Variants in KCNK10 observed in about 807,000 individuals in gnomAD.
The protein encoded by KCNK10 is potassium two pore domain channel subfamily K member 10, also known as potassium channel subfamily K member 10.
In KCNK10, 25 loss-of-function variants were observed where a neutral mutation model predicts 47.7. The ratio of observed to expected loss-of-function variants is 0.52; its 90% CI spans 0.38 to 0.73. The LOEUF (loss-of-function observed/expected upper bound fraction) is 0.73. KCNK10 is among the 30% of genes least tolerant of loss of function. The pLI is 0.00. For synonymous variants in KCNK10, 303 were observed against 285.6 expected (o/e 1.06, Z -0.61); for missense variants, 563 against 714.5 (o/e 0.79, Z 2.42).
At chr14:88,279,147 CA>C (rs1341942119) in intron 1 of KCNK10, among the ~76,000 whole-genome samples, 2 of 152,132 alleles carry the variant, frequency 1.3e-5, no homozygotes, top group African/African-American at 4.8e-5. Context: ...TAATTTTCCC[CA>C]AATGCAATTT....
intron 3 of KCNK10, among the ~76,000 whole-genome samples, chr14:88,230,706 C>A (rs542244914): frequency 1.3e-5 from 2 of 152,134 alleles, no homozygotes; most frequent in African/African-American, 4.8e-5. Flanking sequence ...TCTAAGGGAC[C>A]CCACTTCAAT....
intron 4 of KCNK10, among the ~76,000 whole-genome samples, chr14:88,219,325 A>T (rs906254159): frequency 1.3e-5 from 2 of 152,216 alleles, no homozygotes; most frequent in African/African-American, 2.4e-5. Flanking sequence ...CTTTGCAGCT[A>T]CGAATGGGAC....
chr14:88,235,634 G>A (rs1484822168), intron 3 of KCNK10, among the ~76,000 whole-genome samples: 2 of 152,030 alleles, frequency 1.3e-5, no homozygotes. Context: ...AGGCATTGTG[G>A]AAAACATACA....
At chr14:88,279,542 C>T (rs390147) in intron 1 of KCNK10, among the ~76,000 whole-genome samples, 9,817 of 152,018 alleles carry the variant, frequency 0.065, 413 homozygotes, top group East Asian at 0.089. Flanking sequence ...ACAATAGCAA[C>T]AAAATTTTTA....
At position 88,263,482 on chromosome 14, in the gene KCNK10, G is replaced by T. The variant is rs1444805565; in HGVS notation, c.122C>A (p.Ala41Asp). 1.9e-6 allele frequency: 3 copies of T among 1,613,792 alleles called. No homozygotes were observed. Among genetic ancestry groups the T allele is most frequent in the Non-Finnish European group, 2.5e-6 (3 of 1,180,056 alleles). Residue 41 changes from alanine to aspartate, a missense_variant, in exon 2 of 7, where the codon GCT becomes GAT. Transcript: ENST00000319231. ...SATNGQPPAP[A>D]PTPTPRLSIS... Reference sequence around the variant, plus strand: ...GGACAGGCGCGGAGTTGGAGTCGGAGCCGGAGCCGGGGGTTGCCCGTTAGT... The same window carrying T: ...GGACAGGCGCGGAGTTGGAGTCGGATCCGGAGCCGGGGGTTGCCCGTTAGT...
At position 88,240,713 on chromosome 14, in the gene KCNK10, A is replaced by T; in HGVS notation, c.510T>A (p.Ile170=). Residue 170 remains isoleucine (I), a synonymous_variant, in exon 3 of 7, where the codon ATT becomes ATA. Coordinates refer to ENST00000319231, the MANE Select transcript of KCNK10 (RefSeq NM_138317.3). Reference sequence around the variant, plus strand: ...CAAACAAACGGGTACCTATGGTCGTAATGACAGTTCCAGCAAAGAAAAAGG... The same window carrying T: ...CAAACAAACGGGTACCTATGGTCGTTATGACAGTTCCAGCAAAGAAAAAGG... The part of the protein sequence containing the change: ...GSAFFFAGTV[I]TTIGYGNIAP... 1 of 1,607,382 alleles carries T rather than the reference A, an allele frequency of 6.2e-7. No individual in the cohort carries two copies. Among genetic ancestry groups the T allele is most frequent in the Non-Finnish European group, 8.5e-7 (1 of 1,173,874 alleles).
At chr14:88,324,162 C>G (rs1402334219), upstream of KCNK10, among the ~76,000 whole-genome samples, 1 of 152,258 alleles carries the variant, frequency 6.6e-6, no homozygotes, top group Non-Finnish European at 1.5e-5. Context: ...ATCCTGGGAC[C>G]AGCAGGGCAG....
chr14:88,197,218 A>C (rs1884942221), intron 4 of KCNK10, among the ~76,000 whole-genome samples: 1 of 152,212 alleles, frequency 6.6e-6, no homozygotes, highest in African/African-American at 2.4e-5. Context: ...AGATGTTGGT[A>C]TATATGGGTA....
chr14:88,215,150 G>A (rs572733527), intron 4 of KCNK10, among the ~76,000 whole-genome samples: 3 of 151,454 alleles, frequency 2.0e-5, no homozygotes, highest in African/African-American at 7.3e-5. Flanking sequence ...AGATAGCCCA[G>A]TATCTGGCAT....
intron 1 of KCNK10, chr14:88,271,054 G>A (rs4904441): frequency 0.52 from 248,578 of 473,520 alleles, 70,328 homozygotes; most frequent in East Asian, 0.86. Context: ...AACAGGTCTC[G>A]CTTCCCAGAT....
At chr14:88,262,180 T>C (rs1244829283) in intron 2 of KCNK10, among the ~76,000 whole-genome samples, 1 of 152,062 alleles carries the variant, frequency 6.6e-6, no homozygotes, top group East Asian at 1.9e-4. Flanking sequence ...CCCTCCACCT[T>C]CCAAACTTTA....
chr14:88,283,025 G>A (rs1292162860), intron 1 of KCNK10, among the ~76,000 whole-genome samples: 1 of 152,198 alleles, frequency 6.6e-6, no homozygotes, highest in African/African-American at 2.4e-5. Flanking sequence ...AGCTAGAAAT[G>A]TCCTTGCACC....
At chr14:88,287,441 C>A (rs1887785836) in intron 1 of KCNK10, among the ~76,000 whole-genome samples, 2 of 152,008 alleles carry the variant, frequency 1.3e-5, no homozygotes, top group Non-Finnish European at 2.9e-5. Context: ...TACACTGTAC[C>A]CAATTTGCTG....
intron 2 of KCNK10, among the ~76,000 whole-genome samples, chr14:88,252,041 C>A (rs1033570480): frequency 5.3e-5 from 8 of 152,190 alleles, no homozygotes; most frequent in African/African-American, 1.9e-4. Flanking sequence ...CTCCCACTGT[C>A]TATAAGTAGG....
chr14:88,326,793 C>T (rs1216947791), upstream of KCNK10: 5 of 296,954 alleles, frequency 1.7e-5, no homozygotes, highest in Non-Finnish European at 2.5e-5. Context: ...GCTGGGAAAG[C>T]CCGAAAACCC....
intron 2 of KCNK10, among the ~76,000 whole-genome samples, chr14:88,258,063 C>T (rs1165700481): frequency 6.6e-5 from 10 of 152,004 alleles, no homozygotes; most frequent in African/African-American, 2.2e-4. Context: ...GGTGACCCCA[C>T]CCCATCCCAT....
intron 4 of KCNK10, among the ~76,000 whole-genome samples, chr14:88,205,926 A>G (rs1432020022): frequency 1.3e-5 from 2 of 152,176 alleles, no homozygotes; most frequent in Non-Finnish European, 2.9e-5. Context: ...ATATTCTATA[A>G]AAACAATAAA....
intron 1 of KCNK10, among the ~76,000 whole-genome samples, chr14:88,298,397 G>A (rs116545769): frequency 1.2e-3 from 187 of 152,180 alleles, no homozygotes; most frequent in African/African-American, 4.2e-3. Context: ...TCTGTAAAAC[G>A]CCTTCCCCTC....
At chr14:88,297,998 G>A (rs1888022001) in intron 1 of KCNK10, among the ~76,000 whole-genome samples, 1 of 152,144 alleles carries the variant, frequency 6.6e-6, no homozygotes, top group African/African-American at 2.4e-5. Context: ...GTATGCCCAG[G>A]AGAGTCATTT....
Sources: gnomAD v4.1 joint callset for allele counts (sites outside exome capture counted in the v4.1 genomes callset) on GRCh38, gnomAD v4.1.1 for gene constraint, MANE v1.5 for transcripts, NCBI Gene and HGNC (gene_info 2026-07-23, HGNC 2026-07-21) for gene names.